Variants in EXT1 observed in about 807,000 individuals in gnomAD.
EXT1 encodes the protein exostosin-1.
Under a neutral mutation model 82.5 loss-of-function variants are expected in EXT1, and 20 were observed. That is an observed-to-expected ratio of 0.24 (90% CI 0.17 to 0.35). The LOEUF is 0.35. Ranked by LOEUF, EXT1 falls within the 10% of genes least tolerant of loss-of-function variation. The pLI is 1.00. For missense variants in EXT1, 757 were observed against 936.5 expected (o/e 0.81, Z 2.50); for synonymous variants, 348 against 350.8 (o/e 0.99, Z 0.09).
At chr8:117,929,123 T>C (rs1449937486) in intron 1 of EXT1, among the ~76,000 whole-genome samples, 1 of 152,224 alleles carries the variant, frequency 6.6e-6, no homozygotes, top group Non-Finnish European at 1.5e-5. Flanking sequence ...ACATGTACAG[T>C]GCATGGAAGA....
chr8:118,103,818 T>C (rs1429177973), intron 1 of EXT1, among the ~76,000 whole-genome samples: 2 of 151,948 alleles, frequency 1.3e-5, no homozygotes, highest in Non-Finnish European at 2.9e-5. Context: ...AACAGAAGAG[T>C]TGAAGGAGTT....
chr8:117,948,312 G>T (rs1265371615), intron 1 of EXT1, among the ~76,000 whole-genome samples: 3 of 96,972 alleles, frequency 3.1e-5, no homozygotes, highest in African/African-American at 1.5e-4. Flanking sequence ...CATTCTGACT[G>T]CCCTTGCCAA....
Position 118,110,070 on chromosome 8 carries a change from A to G in EXT1, c.962+15T>C. ...CAAGGCTGACTCCCAAAGACACGCC[A>G]GCCCAGACACTTACTTCTCATACTC... On this transcript the variant is annotated intron_variant, in intron 1 of 10. Coordinates refer to ENST00000378204, the MANE Select transcript of EXT1 (RefSeq NM_000127.3). 1 of 1,613,344 alleles carries G rather than the reference A, an allele frequency of 6.2e-7. No individual in the cohort carries two copies. Among genetic ancestry groups the G allele is most frequent in the Non-Finnish European group, 8.5e-7 (1 of 1,180,034 alleles).
At chr8:118,096,106 A>C (rs1052079335) in intron 1 of EXT1, among the ~76,000 whole-genome samples, 2 of 152,228 alleles carry the variant, frequency 1.3e-5, no homozygotes, top group Admixed American at 1.3e-4. Context: ...CTGAGCAAAA[A>C]ATGTGAGCCA....
intron 1 of EXT1, among the ~76,000 whole-genome samples, chr8:117,911,341 C>T (rs771551600): frequency 6.6e-6 from 1 of 152,140 alleles, no homozygotes; most frequent in Non-Finnish European, 1.5e-5. Context: ...CTCTAACCAT[C>T]ACAAAAAAGC....
chr8:117,997,301 T>TTA lies in EXT1; in HGVS notation c.962+112782_962+112783dup, dbSNP rs937567937. ...ATATATACTTTATATATAATATACT[T>TTA]TATATATATATAATTTTTTTTAACA... On this transcript the variant is annotated intron_variant, in intron 1 of 10. Coordinates refer to ENST00000378204, the MANE Select transcript of EXT1 (RefSeq NM_000127.3). 4.3e-4 allele frequency among the ~76,000 whole-genome samples: 62 copies of TTA among 142,986 alleles called. 1 individual carries two copies. The highest frequency in any genetic ancestry group is 2.4e-3 in the South Asian group (11 of 4,562). 93.8% of individuals were successfully genotyped at this position (142,986 alleles called of 152,430 possible). A position where few individuals can be genotyped will look rare whatever the true frequency, so the allele number is the denominator to read the frequency against.
chr8:117,890,499 C>T (rs1377767738), intron 1 of EXT1, among the ~76,000 whole-genome samples: 1 of 152,206 alleles, frequency 6.6e-6, no homozygotes, highest in Non-Finnish European at 1.5e-5. Flanking sequence ...TCTGGTCTTA[C>T]ATTGGCTTGA....
chr8:117,884,073 T>C (rs1280181771), intron 1 of EXT1, among the ~76,000 whole-genome samples: 1 of 152,228 alleles, frequency 6.6e-6, no homozygotes, highest in African/African-American at 2.4e-5. Context: ...TCTGCTTATG[T>C]ACATAGAGGT....
chr8:117,976,460 T>A (rs144798137), intron 1 of EXT1, among the ~76,000 whole-genome samples: 1 of 152,338 alleles, frequency 6.6e-6, no homozygotes, highest in Non-Finnish European at 1.5e-5. Flanking sequence ...AAGCCACAGA[T>A]AACCACAACC....
intron 1 of EXT1, among the ~76,000 whole-genome samples, chr8:117,854,024 C>T (rs757925524): frequency 2.6e-5 from 4 of 152,272 alleles, no homozygotes; most frequent in African/African-American, 7.2e-5. Flanking sequence ...GAGCGCTGGC[C>T]TCAGCCCTTC....
At chr8:117,927,251 T>A (rs1047794500) in intron 1 of EXT1, among the ~76,000 whole-genome samples, 1 of 152,010 alleles carries the variant, frequency 6.6e-6, no homozygotes, top group African/African-American at 2.4e-5. Flanking sequence ...TCAAAAAGGT[T>A]TTTTGGAAAA....
At chr8:117,961,796 T>C (rs1318669751) in intron 1 of EXT1, among the ~76,000 whole-genome samples, 3 of 152,194 alleles carry the variant, frequency 2.0e-5, no homozygotes, top group Non-Finnish European at 2.9e-5. Context: ...AAACTCTTAA[T>C]GGCGGGCTGA....
intron 1 of EXT1, among the ~76,000 whole-genome samples, chr8:117,901,316 G>C (rs933488343): frequency 2.6e-5 from 4 of 152,062 alleles, no homozygotes; most frequent in African/African-American, 9.7e-5. Context: ...GTAACACCAT[G>C]GTAAGTATTT....
rs182205433 is a variant in EXT1, at chr8:117,887,572, G to T, written c.963-50371C>A. Among the ~76,000 whole-genome samples, 394 of 152,064 alleles carry T rather than the reference G, an allele frequency of 2.6e-3. 2 individuals are homozygous for T. The highest frequency in any genetic ancestry group is 9.2e-3 in the African/African-American group (382 of 41,504). On this transcript the variant is annotated intron_variant, in intron 1 of 10. Coordinates refer to ENST00000378204, the MANE Select transcript of EXT1 (RefSeq NM_000127.3). ...TCACCATGTTGGCCAGGATGGTCTC[G>T]ATCTCTTGACCTCGTGATCTGCCCA...
chr8:117,955,712 C>A (rs578017877), intron 1 of EXT1, among the ~76,000 whole-genome samples: 19 of 152,258 alleles, frequency 1.2e-4, no homozygotes, highest in African/African-American at 4.1e-4. Flanking sequence ...GGAGCCACCA[C>A]GCCCAGCTAA....
chr8:117,822,329 A>T (rs1811937839), intron 5 of EXT1, 136 bp downstream of exon 5: 1 of 997,468 alleles, frequency 1.0e-6, no homozygotes, highest in Non-Finnish European at 1.5e-6. Flanking sequence ...TGTCACTTAT[A>T]ACAAGGCTCT....
In EXT1 at chr8:117,971,094, A is replaced by G. The variant is rs77216491; in HGVS notation, c.963-133893T>C. Among the ~76,000 whole-genome samples, 40 of 152,298 alleles carry G rather than the reference A, an allele frequency of 2.6e-4. 1 individual carries two copies. In the East Asian group the frequency reaches 7.3e-3, roughly 28 times the overall value. On this transcript the variant is annotated intron_variant, in intron 1 of 10. Transcript: ENST00000378204. The stretch of plus-strand genomic sequence containing the variant: ...AGAAGCACGAGGACACCAGGTGTGC[A>G]CATAGCTTGCCTCTCGTGACCTCAC...
At chr8:117,857,457 C>T (rs1812584618) in intron 1 of EXT1, among the ~76,000 whole-genome samples, 1 of 151,890 alleles carries the variant, frequency 6.6e-6, no homozygotes, top group South Asian at 2.1e-4. Flanking sequence ...CATCCTAGCA[C>T]TTTGAAAGGC....
At chr8:118,037,296 C>T (rs1038360866) in intron 1 of EXT1, among the ~76,000 whole-genome samples, 1 of 152,000 alleles carries the variant, frequency 6.6e-6, no homozygotes, top group Non-Finnish European at 1.5e-5. Context: ...CACAGAAATT[C>T]ACACAAACAC....
Sources: allele counts gnomAD v4.1 joint callset (sites outside exome capture counted in the v4.1 genomes callset), GRCh38; gene constraint gnomAD v4.1.1; transcripts MANE v1.5; gene names NCBI Gene and HGNC (gene_info 2026-07-23, HGNC 2026-07-21).